The following EFR3A variants were observed in gnomAD, a reference collection of about 807,000 sequenced individuals.
The protein encoded by EFR3A is protein EFR3 homolog A.
A neutral mutation model predicts 104.4 loss-of-function variants in EFR3A; 76 were observed. The observed-to-expected ratio is 0.73, with a 90% CI of 0.60 to 0.88. The LOEUF (loss-of-function observed/expected upper bound fraction) is 0.88. EFR3A is among the 40% of genes least tolerant of loss of function. The probability of loss-of-function intolerance (pLI) is 0.00; values close to 1 mark genes in which losing one functional copy is unlikely to be tolerated. For missense variants in EFR3A, 985 were observed against 1,012.5 expected, an observed-to-expected ratio of 0.97 and a Z score of 0.37; for synonymous variants, 330 against 330.0, an observed-to-expected ratio of 1.00 and a Z score of 0.00.
At chr8:131,986,043 C>A (rs1820858058) in intron 16 of EFR3A, 151 bp from the exon 17 acceptor site, 3 of 454,936 alleles carry the variant, frequency 6.6e-6, no homozygotes. Flanking sequence ...TACATTTGGG[C>A]TGTAAACTTA....
rs887812594 is a variant in EFR3A, at chr8:132,010,964, G to T, written c.*69G>T. 4 of 1,480,146 alleles carry T rather than the reference G, an allele frequency of 2.7e-6. No individual in the cohort carries two copies. The Admixed American group carries it at 7.6e-5, about 28-fold the overall frequency. 91.7% of individuals were successfully genotyped at this position (1,480,146 alleles called of 1,614,324 possible). ...ATTAAGGCCAAGCTGAGCTTTCAGG[G>T]TTTACTTAATGTGTATTAACATACT... On this transcript the variant is annotated 3_prime_UTR_variant, in exon 23 of 23. Transcript: ENST00000254624.
chr8:131,917,789 C>T (rs541348909), intron 1 of EFR3A, among the ~76,000 whole-genome samples: 3 of 151,898 alleles, frequency 2.0e-5, no homozygotes, highest in Non-Finnish European at 2.9e-5. Context: ...TTTTTCCATG[C>T]GTCAGTAGTA....
In EFR3A at chr8:131,944,827, A is replaced by G. The variant is rs774551723; in HGVS notation, c.170A>G (p.Tyr57Cys). The change falls in exon 3 of 23, where the codon TAC becomes TGC. Residue 57 changes from tyrosine to cysteine, a missense_variant. Tyr to Cys is a radical substitution (Grantham distance 194). Transcript: ENST00000254624. ...APEKLDRIGSYLAERLSRDVV... is the reference protein window; with the variant it reads ...APEKLDRIGSCLAERLSRDVV... ...GAGAAACTGGATCGAATTGGTTCTT[A>G]CCTGGCAGAAAGGTTGAGCAGGGAT... is the stretch of plus-strand genomic sequence containing the variant. 23 of 1,610,728 alleles carry G rather than the reference A, an allele frequency of 1.4e-5. No homozygotes were observed. Among genetic ancestry groups the G allele is most frequent in the Non-Finnish European group, 1.8e-5 (21 of 1,178,394 alleles).
chr8:131,942,761 A>G (rs1463219183), intron 2 of EFR3A, among the ~76,000 whole-genome samples: 3 of 152,108 alleles, frequency 2.0e-5, no homozygotes, highest in African/African-American at 2.4e-5. Flanking sequence ...GGAGGGTGCA[A>G]CACAGTATTG....
At position 132,012,898 on chromosome 8, in the gene EFR3A, C is replaced by T. The variant is rs1386550830; in HGVS notation, c.*2003C>T. 6.6e-6 allele frequency: 1 copy of T among 152,172 alleles called. No individual in the cohort carries two copies. The highest frequency in any genetic ancestry group is 1.5e-5 in the Non-Finnish European group (1 of 68,032). The allele number at this position is 152,172 out of a possible 1,614,324, so 9.4% of individuals were successfully genotyped here. On this transcript the variant is annotated 3_prime_UTR_variant, in exon 23 of 23. Coordinates refer to ENST00000254624, the MANE Select transcript of EFR3A (RefSeq NM_015137.6). ...AAACCATTACAATTAATGTTTATCA[C>T]ACCTTTATCTTGGTCTTTGTTGATT...
At chr8:132,010,407 GATATATATATATATATATATATATATAT>G (rs66644698) in intron 22 of EFR3A, among the ~76,000 whole-genome samples, 5 of 81,880 alleles carry the variant, frequency 6.1e-5, no homozygotes, top group South Asian at 3.9e-4. Context: ...TCAAGTATGA[GATATATATATATATATATATATATATAT>G]ATATATATAT....
intron 21 of EFR3A, 40 bp from the exon 22 acceptor site, chr8:132,003,196 A>G (rs746811114): frequency 6.5e-7 from 1 of 1,532,210 alleles, no homozygotes; most frequent in Non-Finnish European, 9.0e-7. Context: ...ATAGATACCT[A>G]GAAAATAAAC....
chr8:131,990,295 A>G (rs1821107558), intron 18 of EFR3A, among the ~76,000 whole-genome samples: 1 of 152,238 alleles, frequency 6.6e-6, no homozygotes, highest in Non-Finnish European at 1.5e-5. Context: ...TAATATGACT[A>G]TTCAGCTATT....
At chr8:131,917,489 A>T (rs192072719) in intron 1 of EFR3A, among the ~76,000 whole-genome samples, 1 of 152,246 alleles carries the variant, frequency 6.6e-6, no homozygotes, top group Non-Finnish European at 1.5e-5. Flanking sequence ...TTCAGGGAAG[A>T]TTAGAGAGGG....
chr8:132,001,034 A>ATATC, intron 19 of EFR3A: 1 of 152,222 alleles, frequency 6.6e-6, no homozygotes, highest in Non-Finnish European at 1.5e-5. Flanking sequence ...ATTTTTATTC[A>ATATC]GAGATACTAT....
At chr8:131,904,468 G>T (rs529325677) in intron 1 of EFR3A, 146 bp downstream of exon 1, 8 of 852,396 alleles carry the variant, frequency 9.4e-6, no homozygotes, top group Middle Eastern at 2.4e-4. Context: ...AGTTAGTTTC[G>T]TTTCGGCTTA....
intron 8 of EFR3A, among the ~76,000 whole-genome samples, chr8:131,963,624 C>G (rs1819527080): frequency 6.6e-6 from 1 of 152,166 alleles, no homozygotes; most frequent in Admixed American, 6.5e-5. Context: ...GGATTCACAG[C>G]CGATTTCTAC....
chr8:131,931,636 A>G (rs1159847291), intron 1 of EFR3A, among the ~76,000 whole-genome samples: 1 of 152,146 alleles, frequency 6.6e-6, no homozygotes, highest in East Asian at 1.9e-4. Flanking sequence ...TATGTAGTAG[A>G]CATTTTATAA....
intron 22 of EFR3A, among the ~76,000 whole-genome samples, chr8:132,006,953 A>G (rs1822084288): frequency 6.6e-6 from 1 of 152,000 alleles, no homozygotes; most frequent in East Asian, 1.9e-4. Flanking sequence ...GAAAAAGCTC[A>G]ATGTTCATTT....
intron 8 of EFR3A, among the ~76,000 whole-genome samples, chr8:131,965,006 T>C (rs1003705109): frequency 1.3e-5 from 2 of 152,140 alleles, no homozygotes; most frequent in African/African-American, 4.8e-5. Flanking sequence ...GAAAACTGGC[T>C]AGCCATATGT....
intron 22 of EFR3A, 28 bp downstream of exon 22, chr8:132,003,313 T>A (rs767886698): frequency 6.3e-7 from 1 of 1,595,996 alleles, no homozygotes; most frequent in Non-Finnish European, 8.6e-7. Context: ...ACAATAGCAA[T>A]AACACACACA....
chr8:131,996,594 C>A, intron 19 of EFR3A, 97 bp downstream of exon 19: 2 of 612,744 alleles, frequency 3.3e-6, no homozygotes, highest in African/African-American at 2.0e-5. Flanking sequence ...GGAAATACAA[C>A]TCTAAATTAT....
rs749156712 is a variant in EFR3A, at chr8:131,953,938, T to G, written c.609T>G (p.Phe203Leu). 3.8e-5 allele frequency: 60 copies of G among 1,560,212 alleles called. No individual in the cohort carries two copies. The highest frequency in any genetic ancestry group is 4.9e-5 in the Non-Finnish European group (57 of 1,152,678). The change falls in exon 6 of 23, where the codon TTT (phenylalanine) becomes TTG (leucine). Residue 203 changes from phenylalanine to leucine, a missense_variant. By Grantham distance (22) the Phe-to-Leu change is conservative. Coordinates refer to ENST00000254624, the MANE Select transcript of EFR3A (RefSeq NM_015137.6). ...ATAAGATTGTTCCATCCCTCCTGTTTAACATGCAAAAGATAGAAGAAGTTG... is the reference window on the plus strand; with the variant it reads ...ATAAGATTGTTCCATCCCTCCTGTTGAACATGCAAAAGATAGAAGAAGTTG... The part of the protein sequence containing the change: ...HMDKIVPSLL[F>L]NMQKIEEVDS...
At chr8:131,923,697 A>G (rs140769334) in intron 1 of EFR3A, among the ~76,000 whole-genome samples, 39 of 152,172 alleles carry the variant, frequency 2.6e-4, no homozygotes, top group African/African-American at 9.1e-4. Context: ...GAAGGAACGT[A>G]TCAAAATAAT....
Sources: allele counts gnomAD v4.1 joint callset (sites outside exome capture counted in the v4.1 genomes callset), GRCh38; gene constraint gnomAD v4.1.1; transcripts MANE v1.5; gene names NCBI Gene and HGNC (gene_info 2026-07-23, HGNC 2026-07-21).